The following PKHD1L1 variants were observed in gnomAD, a reference collection of about 807,000 sequenced individuals.
PKHD1L1 encodes PKHD1 like 1, also known as fibrocystin-L.
A neutral mutation model predicts 462.9 loss-of-function variants in PKHD1L1; 434 were observed. That is an observed-to-expected ratio of 0.94 (90% CI 0.87 to 1.02). The LOEUF (loss-of-function observed/expected upper bound fraction) is 1.02. Ranked by LOEUF, PKHD1L1 falls within the 50% of genes least tolerant of loss-of-function variation. PKHD1L1 has a pLI of 0.00. For missense variants in PKHD1L1, 5,202 were observed against 5,096.1 expected (o/e 1.02, Z -0.63); for synonymous variants, 1,781 against 1,750.0 (o/e 1.02, Z -0.44).
intron 11 of PKHD1L1, among the ~76,000 whole-genome samples, chr8:109,397,857 G>A (rs2130521546): frequency 6.6e-6 from 1 of 152,282 alleles, no homozygotes; most frequent in East Asian, 1.9e-4. Flanking sequence ...GACCATATGT[G>A]AGGCATTGTG....
chr8:109,404,763 G>A (rs1813446369), intron 15 of PKHD1L1, 50 bp downstream of exon 15: 2 of 1,488,098 alleles, frequency 1.3e-6, no homozygotes, highest in African/African-American at 1.4e-5. Flanking sequence ...TTCGAAGGCA[G>A]GATCTCAATT....
At chr8:109,476,732 C>G (rs1416108790) in intron 52 of PKHD1L1, 65 bp downstream of exon 52, 1 of 1,428,724 alleles carries the variant, frequency 7.0e-7, no homozygotes, top group Non-Finnish European at 9.5e-7. Flanking sequence ...AGAAAAATTG[C>G]TTAATAAGCA....
rs1394735704 is a variant in PKHD1L1 at position 109,535,920 on chromosome 8, TG to T, written c.*5831del. On this transcript the variant is annotated 3_prime_UTR_variant, in exon 78 of 78. Coordinates refer to ENST00000378402, the MANE Select transcript of PKHD1L1 (RefSeq NM_177531.6). ...AAGCCTGGAGAGAGAGGGGAAGGAT[TG>T]TAAGTGTCATAGTTCTGACAGCTGC... 2.0e-5 allele frequency among the ~76,000 whole-genome samples: 3 copies of T among 152,150 alleles called. No homozygotes were observed. The highest frequency in any genetic ancestry group is 4.8e-5 in the African/African-American group (2 of 41,422).
At position 109,454,842 on chromosome 8, in the gene PKHD1L1, G is replaced by T; in HGVS notation, c.6864G>T (p.Leu2288=). ...CACTGGCTGTGCGGGAGGGAATCCT[G>T]GATCTGCACGGTACTGTGGCCAAGT... ...AKTLAVREGI[L]DLHGVPVPVT... Residue 2288 remains leucine (L), a synonymous_variant, in exon 45 of 78, where the codon CTG becomes CTT. Transcript: ENST00000378402. The T allele has an allele frequency of 6.2e-7, 1 of 1,613,554 alleles. No individual in the cohort carries two copies.
intron 23 of PKHD1L1, 60 bp from the exon 24 acceptor site, chr8:109,425,025 G>T: frequency 7.5e-7 from 1 of 1,326,186 alleles, no homozygotes; most frequent in Non-Finnish European, 1.0e-6. Flanking sequence ...TGATGAAATA[G>T]AAATCATGTA....
intron 32 of PKHD1L1, among the ~76,000 whole-genome samples, chr8:109,440,261 T>A (rs1815699724): frequency 6.6e-6 from 1 of 152,098 alleles, no homozygotes; most frequent in African/African-American, 2.4e-5. Context: ...CCTGACAAGT[T>A]TTCAACAAAC....
intron 52 of PKHD1L1, 97 bp downstream of exon 52, chr8:109,476,764 T>C (rs1818008834): frequency 9.5e-7 from 1 of 1,057,190 alleles, no homozygotes; most frequent in Non-Finnish European, 1.3e-6. Flanking sequence ...CAGTGCTTAA[T>C]ATATACAGGA....
intron 67 of PKHD1L1, among the ~76,000 whole-genome samples, chr8:109,502,418 A>G (rs1009246845): frequency 5.9e-5 from 9 of 152,164 alleles, no homozygotes; most frequent in African/African-American, 1.7e-4. Context: ...ACTTTCTAAT[A>G]AGAAGGAATA....
Position 109,452,762 on chromosome 8 carries a change from C to T in PKHD1L1, c.6552C>T (p.Phe2184=), listed in dbSNP as rs1816605643. 6.5e-7 allele frequency: 1 copy of T among 1,541,890 alleles called. No homozygotes were observed. The highest frequency in any genetic ancestry group is 8.7e-7 in the Non-Finnish European group (1 of 1,145,116). Residue 2184 remains phenylalanine, a synonymous_variant, in exon 43 of 78, where the codon TTC becomes TTT. Coordinates refer to ENST00000378402, the MANE Select transcript of PKHD1L1 (RefSeq NM_177531.6). Reference sequence around the variant, plus strand: ...ATGTTGATGCCTGGTCCTCCAATTTCTCATGGGGGGGAAAATCTCCCCCAG... The same window carrying T: ...ATGTTGATGCCTGGTCCTCCAATTTTTCATGGGGGGGAAAATCTCCCCCAG... ...FLYVDAWSSN[F]SWGGKSPPEE...
At position 109,445,105 on chromosome 8, in the gene PKHD1L1, A is replaced by T; in HGVS notation, c.5236A>T (p.Ser1746Cys). 1 of 1,613,992 alleles carries T rather than the reference A, an allele frequency of 6.2e-7. No homozygotes were observed. Among genetic ancestry groups the T allele is most frequent in the Non-Finnish European group, 8.5e-7 (1 of 1,179,890 alleles). The change falls in exon 38 of 78, where the codon AGC becomes TGC. Residue 1746 changes from serine (S) to cysteine (C), a missense_variant. Physicochemically the swap from Ser to Cys is moderately radical, Grantham distance 112. Around this residue, in one of 3 missense-constraint regions of PKHD1L1, gnomAD observed 4,497 missense variants for 4,336.8 expected, o/e 1.04. Coordinates refer to ENST00000378402, the MANE Select transcript of PKHD1L1 (RefSeq NM_177531.6). ...AAACTGCACCTTTTCATACTTAGAA[A>T]GCATCACTCCTTACATAACAGGAGT... is the stretch of plus-strand genomic sequence containing the variant. Reference protein sequence around the residue: ...QGNCTFSYLESITPYITGVFP... With the variant: ...QGNCTFSYLECITPYITGVFP...
intron 2 of PKHD1L1, among the ~76,000 whole-genome samples, chr8:109,376,711 T>C (rs1479446308): frequency 6.6e-6 from 1 of 152,198 alleles, no homozygotes; most frequent in Non-Finnish European, 1.5e-5. Flanking sequence ...TTAGCAGATA[T>C]CTGATTAAGT....
chr8:109,440,623 T>G (rs1815724376), intron 32 of PKHD1L1, 87 bp from the exon 33 acceptor site: 1 of 1,226,814 alleles, frequency 8.2e-7, no homozygotes, highest in Admixed American at 2.2e-5. Flanking sequence ...TTATTTCCTC[T>G]TTCTAAAGAA....
At chr8:109,409,284 C>G (rs1207513460) in intron 18 of PKHD1L1, among the ~76,000 whole-genome samples, 1 of 151,674 alleles carries the variant, frequency 6.6e-6, no homozygotes, top group Non-Finnish European at 1.5e-5. Context: ...GAGTCTCACT[C>G]TGTCACCAGG....
chr8:109,453,169 A>G (rs1435690094), intron 43 of PKHD1L1, among the ~76,000 whole-genome samples: 4 of 152,234 alleles, frequency 2.6e-5, no homozygotes, highest in Non-Finnish European at 5.9e-5. Context: ...TTTTGGTTCA[A>G]TAACAATGTG....
chr8:109,458,480 G>A (rs1816939040), intron 46 of PKHD1L1, among the ~76,000 whole-genome samples: 1 of 152,122 alleles, frequency 6.6e-6, no homozygotes, highest in East Asian at 1.9e-4. Context: ...ATTTCAATGG[G>A]TGTCATGCCT....
chr8:109,372,031 T>G (rs1200641440), intron 2 of PKHD1L1, among the ~76,000 whole-genome samples: 3 of 152,202 alleles, frequency 2.0e-5, no homozygotes, highest in Middle Eastern at 6.3e-3. Context: ...TTTTTTCGAA[T>G]TCTGTGAAGA....
At position 109,507,769 on chromosome 8, in the gene PKHD1L1, C is replaced by T. The variant is rs1229896346; in HGVS notation, c.11101C>T (p.Pro3701Ser). The T allele has an allele frequency of 1.7e-5, 27 of 1,613,250 alleles. No individual in the cohort carries two copies. The highest frequency in any genetic ancestry group is 2.3e-5 in the Non-Finnish European group (27 of 1,179,636). The change falls in exon 69 of 78, where the codon CCT becomes TCT. Residue 3701 changes from proline (P) to serine (S), a missense_variant. Physicochemically the swap from Pro to Ser is moderately conservative, Grantham distance 74. This residue lies in a region of PKHD1L1 where 698 missense variants were observed against 736.3 expected (regional missense o/e 0.95). Transcript: ENST00000378402. ...TCTGGGGAATGCTGGTTCTGTGATA[C>T]CTCAAGCAGAATATGAATGGGACGG... The part of the protein sequence containing the change: ...SFLGNAGSVI[P>S]QAEYEWDGNS...
intron 58 of PKHD1L1, among the ~76,000 whole-genome samples, chr8:109,485,542 G>C (rs551043309): frequency 2.6e-5 from 4 of 152,064 alleles, no homozygotes; most frequent in African/African-American, 4.8e-5. Flanking sequence ...AGCGGTAAAT[G>C]CATTTAGACA....
intron 38 of PKHD1L1, among the ~76,000 whole-genome samples, chr8:109,446,023 T>C (rs1816118673): frequency 6.6e-6 from 1 of 152,202 alleles, no homozygotes. Flanking sequence ...ATTGAGAGTG[T>C]TTCAGAGTAC....
Sources: allele counts gnomAD v4.1 joint callset (sites outside exome capture counted in the v4.1 genomes callset), GRCh38; gene constraint gnomAD v4.1.1; regional missense constraint gnomAD v4.1.1; transcripts MANE v1.5; gene names NCBI Gene and HGNC (gene_info 2026-07-23, HGNC 2026-07-21).